RAMP1: variants seen among roughly 807,000 people sequenced by gnomAD.
RAMP1 encodes receptor activity-modifying protein 1.
RAMP1 carries 7 observed loss-of-function variants against 8.2 expected under a neutral mutation model. That is an observed-to-expected ratio of 0.85 (90% confidence interval 0.49 to 1.60). RAMP1 has a LOEUF of 1.60. RAMP1 is among the 40% of genes most tolerant of loss of function. The pLI is 0.00. For synonymous variants in RAMP1, 92 were observed against 84.7 expected, an observed-to-expected ratio of 1.09 and a Z score of -0.47; for missense variants, 192 against 202.4, an observed-to-expected ratio of 0.95 and a Z score of 0.31.
In RAMP1 at chr2:237,877,534, G is replaced by A. The variant is rs1350540771; in HGVS notation, c.191+172G>A. Among the ~76,000 whole-genome samples, 3 of 152,194 alleles carry A rather than the reference G, an allele frequency of 2.0e-5. No homozygotes were observed. Among genetic ancestry groups the A allele is most frequent in the Non-Finnish European group, 4.4e-5 (3 of 68,018 alleles). ...ACAGAGGAGGGAGCCAGTAGCAGGT[G>A]GACGTGAAGAGTGACGGTGGGAGGA... On this transcript the variant is annotated intron_variant, in intron 2 of 2. Coordinates refer to ENST00000254661, the MANE Select transcript of RAMP1 (RefSeq NM_005855.4). This position sits in a 1 kb window ranked among gnomAD's most constrained non-coding sequence, Gnocchi z 4.4.
intron 2 of RAMP1, among the ~76,000 whole-genome samples, chr2:237,904,439 A>T (rs2062634726): frequency 1.3e-5 from 2 of 150,478 alleles, no homozygotes; most frequent in Non-Finnish European, 3.0e-5. Flanking sequence ...TAAAAATCAA[A>T]ATAAATAAAT....
intron 2 of RAMP1, among the ~76,000 whole-genome samples, chr2:237,906,647 T>C (rs2062654063): frequency 6.6e-6 from 1 of 152,052 alleles, no homozygotes; most frequent in African/African-American, 2.4e-5. Context: ...TTGACATTTC[T>C]TGTAGCACAG....
rs561789645 is a variant in RAMP1, at chr2:237,891,007, A to G, written c.191+13645A>G. Among the ~76,000 whole-genome samples, 13 of 152,280 alleles carry G rather than the reference A, an allele frequency of 8.5e-5. No individual in the cohort carries two copies. In the East Asian group the frequency reaches 2.5e-3, roughly 29 times the overall value. On this transcript the variant is annotated intron_variant, in intron 2 of 2. Transcript: ENST00000254661. The stretch of plus-strand genomic sequence containing the variant: ...TTCTTAAAATTGTTTCTTTCCTAAG[A>G]TATGATTTCAATCCTTAGTTCATCA...
rs1252609081 is a variant in RAMP1, at chr2:237,877,950, G to A, written c.191+588G>A. On this transcript the variant is annotated intron_variant, in intron 2 of 2. Coordinates refer to ENST00000254661, the MANE Select transcript of RAMP1 (RefSeq NM_005855.4). This position sits in a 1 kb window ranked among gnomAD's most constrained non-coding sequence, Gnocchi z 4.4. Reference sequence around the variant, plus strand: ...CTCATTGCCTCCCTCAGCCTCCTGGGTGCTGGGCCCCCATCAGCAGGCCGG... The same window carrying A: ...CTCATTGCCTCCCTCAGCCTCCTGGATGCTGGGCCCCCATCAGCAGGCCGG... The A allele has an allele frequency of 1.0e-6, 1 of 985,326 alleles. No individual in the cohort carries two copies. The highest frequency in any genetic ancestry group is 1.1e-4 in the East Asian group (1 of 8,824). The allele number at this position is 985,326 out of a possible 1,614,324, so 61.0% of individuals were successfully genotyped here.
chr2:237,863,202 G>C (rs2062148670), intron 1 of RAMP1, among the ~76,000 whole-genome samples: 1 of 113,592 alleles, frequency 8.8e-6, no homozygotes, highest in South Asian at 2.7e-4. Context: ...GAAGGGGACA[G>C]GGGAGCCCGG....
chr2:237,899,101 C>T (rs2062572825), intron 2 of RAMP1, among the ~76,000 whole-genome samples: 1 of 151,344 alleles, frequency 6.6e-6, no homozygotes, highest in Non-Finnish European at 1.5e-5. Context: ...GACTGGGTCA[C>T]ACTCTGTCAC....
intron 1 of RAMP1, among the ~76,000 whole-genome samples, chr2:237,868,067 G>A (rs1026808268): frequency 6.9e-6 from 1 of 144,666 alleles, no homozygotes; most frequent in Non-Finnish European, 1.5e-5. Flanking sequence ...TTTTTTGGAT[G>A]GAGTCTTGCT....
At chr2:237,886,380 C>T (rs2062433241) in intron 2 of RAMP1, among the ~76,000 whole-genome samples, 3 of 152,300 alleles carry the variant, frequency 2.0e-5, no homozygotes, top group East Asian at 1.9e-4. Context: ...CCTCACTTAA[C>T]GTGCGCGCCA....
intron 2 of RAMP1, among the ~76,000 whole-genome samples, chr2:237,879,306 C>G (rs1487287249): frequency 6.6e-6 from 1 of 151,898 alleles, no homozygotes; most frequent in Non-Finnish European, 1.5e-5. Flanking sequence ...ACACAGTGTT[C>G]TACAAGCAGC....
At chr2:237,902,530 C>T (rs1402841265) in intron 2 of RAMP1, among the ~76,000 whole-genome samples, 1 of 152,092 alleles carries the variant, frequency 6.6e-6, no homozygotes, top group African/African-American at 2.4e-5. Context: ...CACCCCGCAC[C>T]CCCACTCACC....
At chr2:237,897,336 C>T (rs760528943) in intron 2 of RAMP1, among the ~76,000 whole-genome samples, 6 of 152,226 alleles carry the variant, frequency 3.9e-5, no homozygotes, top group Non-Finnish European at 8.8e-5. Context: ...TGTCTGCCTT[C>T]CCTGCTCAAC....
intron 1 of RAMP1, among the ~76,000 whole-genome samples, chr2:237,861,678 T>A (rs1362263954): frequency 6.6e-6 from 1 of 151,762 alleles, no homozygotes; most frequent in African/African-American, 2.4e-5. Flanking sequence ...TGAAACCCCG[T>A]CTCTACTAAA....
At chr2:237,870,937 A>C (rs1673491392) in intron 1 of RAMP1, among the ~76,000 whole-genome samples, 1 of 152,192 alleles carries the variant, frequency 6.6e-6, no homozygotes, top group Non-Finnish European at 1.5e-5. Flanking sequence ...AGAGGCTCTG[A>C]GCCCGAGAGA....
intron 2 of RAMP1, among the ~76,000 whole-genome samples, chr2:237,910,543 A>T (rs1348304015): frequency 5.3e-5 from 8 of 152,102 alleles, no homozygotes; most frequent in African/African-American, 1.7e-4. Context: ...ACAGTAACAC[A>T]CAGAATAACA....
chr2:237,911,406 G>A (rs7582777), intron 2 of RAMP1, 122 bp from the exon 3 acceptor site: 247,612 of 1,379,174 alleles, frequency 0.18, 23,513 homozygotes, highest in Middle Eastern at 0.26. Context: ...CCTCGGCGTC[G>A]GGGCTTCTCC....
chr2:237,866,408 C>G (rs2062187358), intron 1 of RAMP1, among the ~76,000 whole-genome samples: 1 of 152,098 alleles, frequency 6.6e-6, no homozygotes, highest in Non-Finnish European at 1.5e-5. Context: ...ATAAGGTCAC[C>G]CGTAACCTAG....
rs754712934 is a variant in RAMP1 at position 237,877,332 on chromosome 2, C to A, written c.161C>A (p.Thr54Lys). The change falls in exon 2 of 3, where the codon ACG becomes AAG. Residue 54 changes from threonine (T) to lysine (K), a missense_variant. By Grantham distance (78) the Thr-to-Lys change is moderately conservative. Coordinates refer to ENST00000254661, the MANE Select transcript of RAMP1 (RefSeq NM_005855.4). The surrounding 1 kb of genome is among the most constrained non-coding windows in gnomAD (Gnocchi z 4.4). ...GTAGACATGGAGGCCGTCGGGGAGA[C>A]GCTGTGGTGTGACTGGGGCAGGACC... ...FQVDMEAVGE[T>K]LWCDWGRTIR... 6.2e-7 allele frequency: 1 copy of A among 1,613,626 alleles called. No homozygotes were observed. The highest frequency in any genetic ancestry group is 8.5e-7 in the Non-Finnish European group (1 of 1,179,890).
In RAMP1 at chr2:237,865,838, A is replaced by T. The variant is rs1559934733; in HGVS notation, c.52+6111A>T. On this transcript the variant is annotated intron_variant, in intron 1 of 2. Coordinates refer to ENST00000254661, the MANE Select transcript of RAMP1 (RefSeq NM_005855.4). This position sits in a 1 kb window ranked among gnomAD's most constrained non-coding sequence, Gnocchi z 4.2. The stretch of plus-strand genomic sequence containing the variant: ...GCCCCAGGCACCACTGGGCACCTTG[A>T]CATGATTGGTGGTGGAGGGAGGCAG... 6.6e-6 allele frequency among the ~76,000 whole-genome samples: 1 copy of T among 152,116 alleles called. No individual in the cohort carries two copies. Among genetic ancestry groups the T allele is most frequent in the Non-Finnish European group, 1.5e-5 (1 of 68,006 alleles).
chr2:237,884,999 C>G (rs1192968643), intron 2 of RAMP1, among the ~76,000 whole-genome samples: 1 of 152,232 alleles, frequency 6.6e-6, no homozygotes, highest in Non-Finnish European at 1.5e-5. Context: ...TACGGCGGCT[C>G]AGCATGGCCA....
Sources: gnomAD v4.1 joint callset for allele counts (sites outside exome capture counted in the v4.1 genomes callset) on GRCh38, gnomAD v4.1.1 for gene constraint, Gnocchi (gnomAD v3.1) non-coding constraint, MANE v1.5 for transcripts, NCBI Gene and HGNC (gene_info 2026-07-23, HGNC 2026-07-21) for gene names.